Variants in GMDS observed in about 807,000 individuals in gnomAD.
GMDS encodes the protein GDP-mannose 4,6 dehydratase.
GMDS carries 20 observed loss-of-function variants against 49.9 expected under a neutral mutation model. That is an observed-to-expected ratio of 0.40 (90% CI 0.28 to 0.58). The LOEUF is 0.58. GMDS is among the 20% of genes least tolerant of loss of function. The pLI is 0.42. For synonymous variants in GMDS, 177 were observed against 178.6 expected, an observed-to-expected ratio of 0.99 and a Z score of 0.07; for missense variants, 362 against 481.4, an observed-to-expected ratio of 0.75 and a Z score of 2.32.
In GMDS at chr6:1,864,059, T is replaced by G. The variant is rs190420255; in HGVS notation, c.771+66044A>C. ...TTTCATTTATTTAAGTTTTGTCACT[T>G]TTTGCAAAAATAAATTAACTTTCTA... On this transcript the variant is annotated intron_variant, in intron 7 of 10. Coordinates refer to ENST00000380815, the MANE Select transcript of GMDS (RefSeq NM_001500.4). Among the ~76,000 whole-genome samples the G allele has an allele frequency of 5.9e-3, 903 of 152,268 alleles. 6 individuals are homozygous for G. The highest frequency in any genetic ancestry group is 7.1e-3 in the Non-Finnish European group (485 of 68,004).
chr6:2,100,042 T>C (rs1263699606), intron 4 of GMDS, among the ~76,000 whole-genome samples: 1 of 152,082 alleles, frequency 6.6e-6, no homozygotes, highest in Non-Finnish European at 1.5e-5. Flanking sequence ...CCTCACATCC[T>C]ATTTTACAGA....
chr6:1,666,275 C>G (rs1196608166), intron 9 of GMDS, among the ~76,000 whole-genome samples: 1 of 152,126 alleles, frequency 6.6e-6, no homozygotes, highest in Non-Finnish European at 1.5e-5. Context: ...TACCTGCATC[C>G]CCTCCTTTTC....
rs746725939 is a variant in GMDS, at chr6:1,930,086, A to C, written c.771+17T>G. 5 of 1,596,700 alleles carry C rather than the reference A, an allele frequency of 3.1e-6. No homozygotes were observed. The highest frequency in any genetic ancestry group is 4.3e-6 in the Non-Finnish European group (5 of 1,168,612). ...TGGATACGGGTATTTTCAAGAATGT[A>C]ATGTGTCAGTTCCTACCTCCACATA... On this transcript the variant is annotated intron_variant, in intron 7 of 10. Transcript: ENST00000380815.
intron 7 of GMDS, among the ~76,000 whole-genome samples, chr6:1,805,057 C>T (rs1029730605): frequency 1.3e-5 from 2 of 152,146 alleles, no homozygotes; most frequent in African/African-American, 4.8e-5. Flanking sequence ...GTGAACTTTC[C>T]CACCTGCTTT....
At chr6:1,672,403 C>T (rs994475113) in intron 9 of GMDS, among the ~76,000 whole-genome samples, 1 of 152,212 alleles carries the variant, frequency 6.6e-6, no homozygotes, top group Non-Finnish European at 1.5e-5. Context: ...CATGTGTAAA[C>T]AGAGATCAAG....
intron 4 of GMDS, among the ~76,000 whole-genome samples, chr6:2,071,054 A>T (rs1002229250): frequency 3.3e-5 from 5 of 152,124 alleles, no homozygotes; most frequent in Admixed American, 2.0e-4. Context: ...CACCAAGCAG[A>T]GGGAAAGTGC....
chr6:1,678,214 C>A (rs1201176001), intron 9 of GMDS, among the ~76,000 whole-genome samples: 3 of 152,096 alleles, frequency 2.0e-5, no homozygotes, highest in Non-Finnish European at 2.9e-5. Flanking sequence ...GTGCTTCTGG[C>A]AGGAGGAGGA....
At chr6:2,032,610 A>G (rs1696992163) in intron 4 of GMDS, among the ~76,000 whole-genome samples, 1 of 152,202 alleles carries the variant, frequency 6.6e-6, no homozygotes, top group Admixed American at 6.5e-5. Flanking sequence ...TCTTGGGTAT[A>G]TATCAGAAAA....
chr6:1,765,863 G>T (rs1031710083), intron 7 of GMDS, among the ~76,000 whole-genome samples: 8 of 152,122 alleles, frequency 5.3e-5, no homozygotes, highest in Non-Finnish European at 7.3e-5. Context: ...GGAAATAGCA[G>T]AACAAACGCA....
intron 7 of GMDS, among the ~76,000 whole-genome samples, chr6:1,758,912 G>T (rs115283972): frequency 0.023 from 3,530 of 152,276 alleles, 71 homozygotes; most frequent in Middle Eastern, 0.058. Flanking sequence ...CCCTACCTCA[G>T]GGGGCTGTTT....
At chr6:1,995,290 C>T (rs1039799430) in intron 4 of GMDS, among the ~76,000 whole-genome samples, 3 of 152,138 alleles carry the variant, frequency 2.0e-5, no homozygotes, top group Non-Finnish European at 2.9e-5. Context: ...CAGTCTTGCA[C>T]CACACCTCCA....
intron 4 of GMDS, among the ~76,000 whole-genome samples, chr6:2,007,517 A>C (rs1214587265): frequency 6.6e-6 from 1 of 152,124 alleles, no homozygotes; most frequent in Non-Finnish European, 1.5e-5. Context: ...TAAGAAATTT[A>C]GCCTTTAATT....
At chr6:1,968,419 C>T (rs759513596) in intron 4 of GMDS, among the ~76,000 whole-genome samples, 1 of 152,206 alleles carries the variant, frequency 6.6e-6, no homozygotes, top group African/African-American at 2.4e-5. Flanking sequence ...CCAAGAAGCA[C>T]AGCAAGTAAC....
intron 7 of GMDS, among the ~76,000 whole-genome samples, chr6:1,773,037 A>G (rs1305179545): frequency 6.6e-6 from 1 of 152,204 alleles, no homozygotes; most frequent in Non-Finnish European, 1.5e-5. Flanking sequence ...GCAGGGTTAA[A>G]GCAAACTGCA....
intron 7 of GMDS, among the ~76,000 whole-genome samples, chr6:1,926,965 A>G (rs553783227): frequency 1.3e-5 from 2 of 152,108 alleles, no homozygotes; most frequent in South Asian, 4.1e-4. Flanking sequence ...TGACCATTTC[A>G]AATTTTTATT....
At chr6:2,006,364 G>A (rs1389082955) in intron 4 of GMDS, among the ~76,000 whole-genome samples, 5 of 151,806 alleles carry the variant, frequency 3.3e-5, no homozygotes, top group Non-Finnish European at 5.9e-5. Context: ...GGATATTGAC[G>A]TTGCAGTGAG....
At chr6:1,907,496 AAAC>A (rs1420790699) in intron 7 of GMDS, among the ~76,000 whole-genome samples, 1 of 152,246 alleles carries the variant, frequency 6.6e-6, no homozygotes, top group African/African-American at 2.4e-5. Context: ...TACAGTATTG[AAAC>A]AAGGGAAGTG....
chr6:1,681,984 T>C (rs574389595), intron 9 of GMDS, among the ~76,000 whole-genome samples: 1 of 152,086 alleles, frequency 6.6e-6, no homozygotes, highest in Non-Finnish European at 1.5e-5. Flanking sequence ...CGTGAACCAC[T>C]GTGCCTGGCT....
intron 4 of GMDS, among the ~76,000 whole-genome samples, chr6:2,066,588 A>C (rs1360831604): frequency 4.0e-5 from 6 of 151,598 alleles, no homozygotes; most frequent in African/African-American, 4.9e-5. Flanking sequence ...GCAAATGGAA[A>C]ACAAAAAAAG....
Sources: allele counts gnomAD v4.1 joint callset (sites outside exome capture counted in the v4.1 genomes callset), GRCh38; gene constraint gnomAD v4.1.1; transcripts MANE v1.5; gene names NCBI Gene and HGNC (gene_info 2026-07-23, HGNC 2026-07-21).